Variants in THEMIS observed in about 807,000 individuals in gnomAD.
THEMIS encodes thymocyte selection associated.
In THEMIS, 37 loss-of-function variants were observed where a neutral mutation model predicts 52.6. That is an observed-to-expected ratio of 0.70 (90% confidence interval 0.54 to 0.93). The LOEUF is 0.93. Ranked by LOEUF, THEMIS falls within the 40% of genes least tolerant of loss-of-function variation. The pLI, the probability that THEMIS is intolerant of heterozygous loss-of-function variation, is 0.00. For synonymous variants in THEMIS, 292 were observed against 272.7 expected, an observed-to-expected ratio of 1.07 and a Z score of -0.70; for missense variants, 808 against 763.1, an observed-to-expected ratio of 1.06 and a Z score of -0.69.
chr6:127,785,253 A>ATCTATCG (rs1452778939), intron 4 of THEMIS, among the ~76,000 whole-genome samples: 1 of 38,274 alleles, frequency 2.6e-5, no homozygotes, highest in Admixed American at 2.1e-4. Flanking sequence ...TCTATCTATC[A>ATCTATCG]TCTATCTATT....
At chr6:127,712,878 G>A (rs141482861) in intron 5 of THEMIS, among the ~76,000 whole-genome samples, 56 of 151,932 alleles carry the variant, frequency 3.7e-4, no homozygotes, top group African/African-American at 1.0e-3. Flanking sequence ...TTTCAATTTC[G>A]TTATATTTTA....
chr6:127,784,029 A>G (rs987063960), intron 4 of THEMIS, among the ~76,000 whole-genome samples: 1 of 152,236 alleles, frequency 6.6e-6, no homozygotes, highest in Admixed American at 6.5e-5. Flanking sequence ...AATGTGGCAC[A>G]TATACACCAT....
chr6:127,822,773 A>T (rs993988235), intron 3 of THEMIS, among the ~76,000 whole-genome samples: 1 of 152,064 alleles, frequency 6.6e-6, no homozygotes, highest in African/African-American at 2.4e-5. Flanking sequence ...TCAGTAAAGG[A>T]TGTTACCTTC....
chr6:127,834,837 T>C (rs950093518), intron 2 of THEMIS, among the ~76,000 whole-genome samples: 3 of 152,094 alleles, frequency 2.0e-5, no homozygotes, highest in Non-Finnish European at 4.4e-5. Context: ...ATATTAATAA[T>C]GTTAGCTCTT....
intron 2 of THEMIS, among the ~76,000 whole-genome samples, chr6:127,854,397 A>G (rs1198636938): frequency 1.3e-5 from 2 of 151,784 alleles, no homozygotes; most frequent in African/African-American, 4.8e-5. Flanking sequence ...CCCTAGTGTA[A>G]AAAATATGGC....
chr6:127,767,282 C>T (rs1776233079), intron 4 of THEMIS, among the ~76,000 whole-genome samples: 2 of 151,908 alleles, frequency 1.3e-5, no homozygotes, highest in African/African-American at 4.8e-5. Context: ...AGTAAAGGCA[C>T]TGTTTCACCA....
chr6:127,852,656 T>C (rs1356260322), intron 2 of THEMIS, among the ~76,000 whole-genome samples: 1 of 151,554 alleles, frequency 6.6e-6, no homozygotes, highest in Non-Finnish European at 1.5e-5. Context: ...GGAACTTAAA[T>C]AGTTTTAAAA....
At chr6:127,912,343 T>C (rs920828902) in intron 1 of THEMIS, among the ~76,000 whole-genome samples, 1 of 152,192 alleles carries the variant, frequency 6.6e-6, no homozygotes, top group South Asian at 2.1e-4. Context: ...GGAACTTGCC[T>C]TGTTTCAGAT....
At chr6:127,889,516 G>A (rs975806453) in intron 1 of THEMIS, among the ~76,000 whole-genome samples, 1 of 152,006 alleles carries the variant, frequency 6.6e-6, no homozygotes, top group Admixed American at 6.6e-5. Flanking sequence ...TCTAAATTGG[G>A]CCACATATTC....
downstream of THEMIS, among the ~76,000 whole-genome samples, chr6:127,706,747 C>A (rs1366121483): frequency 6.6e-6 from 1 of 151,946 alleles, no homozygotes; most frequent in East Asian, 1.9e-4. Context: ...GAGCAAGGCA[C>A]ATTGAGAAGG....
the THEMIS span, among the ~76,000 whole-genome samples, chr6:127,701,998 T>C: frequency 6.6e-6 from 1 of 152,148 alleles, no homozygotes; most frequent in Non-Finnish European, 1.5e-5. Context: ...TTTTTTAATA[T>C]CCTACTCATT....
At chr6:127,775,355 C>T (rs951841869) in intron 4 of THEMIS, among the ~76,000 whole-genome samples, 9 of 152,320 alleles carry the variant, frequency 5.9e-5, no homozygotes, top group African/African-American at 1.9e-4. Context: ...ACAAAAGTGA[C>T]GTCCACCTAT....
At chr6:127,888,515 T>C (rs1780711282) in intron 1 of THEMIS, among the ~76,000 whole-genome samples, 1 of 152,150 alleles carries the variant, frequency 6.6e-6, no homozygotes, top group Admixed American at 6.6e-5. Flanking sequence ...TTAATTCATA[T>C]TTTTATAAAA....
At chr6:127,816,457 T>C (rs1383694102) in intron 3 of THEMIS, among the ~76,000 whole-genome samples, 2 of 152,192 alleles carry the variant, frequency 1.3e-5, no homozygotes, top group Admixed American at 6.6e-5. Flanking sequence ...AACTGAAATC[T>C]AATCTTCCTC....
At chr6:127,805,380 A>C (rs568519861) in intron 4 of THEMIS, among the ~76,000 whole-genome samples, 2 of 152,214 alleles carry the variant, frequency 1.3e-5, no homozygotes, top group South Asian at 4.1e-4. Flanking sequence ...TGTATGAGAA[A>C]GTTTACGGCT....
chr6:127,890,146 T>C (rs111547424), intron 1 of THEMIS, among the ~76,000 whole-genome samples: 2,103 of 152,260 alleles, frequency 0.014, 46 homozygotes, highest in African/African-American at 0.048. Flanking sequence ...TTACATACAA[T>C]GTATATTGGA....
In THEMIS at chr6:127,819,119, A is replaced by G. The variant is rs1443407469; in HGVS notation, c.710-5188T>C. 2.2e-3 allele frequency among the ~76,000 whole-genome samples: 7 copies of G among 3,118 alleles called. No individual in the cohort carries two copies. In the Admixed American group the frequency reaches 0.045, roughly 20 times the overall value. 2.0% of individuals were successfully genotyped at this position (3,118 alleles called of 152,430 possible). On this transcript the variant is annotated intron_variant, in intron 3 of 5. Coordinates refer to ENST00000368248, the MANE Select transcript of THEMIS (RefSeq NM_001010923.3). ...TGGGTGAAAGAGTGAGACTCTGTCT[A>G]AAAAAAAAAAAAAAAAAAAAAAAAA... is the stretch of plus-strand genomic sequence containing the variant.
Position 127,742,837 on chromosome 6 carries a change from A to T in THEMIS, c.1759-23014T>A, listed in dbSNP as rs139225795. ...GTTTGGGAAGATAAAAATGTTCTGGAGATGGAGATGGTGGTGATGGTTCCA... is the reference window on the plus strand; with the variant it reads ...GTTTGGGAAGATAAAAATGTTCTGGTGATGGAGATGGTGGTGATGGTTCCA... On this transcript the variant is annotated intron_variant, in intron 4 of 5. Transcript: ENST00000368248. Among the ~76,000 whole-genome samples, 107 of 152,266 alleles carry T rather than the reference A, an allele frequency of 7.0e-4. No homozygotes were observed. The East Asian group carries it at 0.019, about 27-fold the overall frequency.
intron 1 of THEMIS, among the ~76,000 whole-genome samples, chr6:127,874,748 A>G (rs1780264018): frequency 6.6e-6 from 1 of 152,270 alleles, no homozygotes. Context: ...GCTATAAAAA[A>G]GCAACATGGG....
Sources: gnomAD v4.1 joint callset for allele counts (sites outside exome capture counted in the v4.1 genomes callset) on GRCh38, gnomAD v4.1.1 for gene constraint, MANE v1.5 for transcripts, NCBI Gene and HGNC (gene_info 2026-07-23, HGNC 2026-07-21) for gene names.